TNKS: variants seen among roughly 807,000 people sequenced by gnomAD.
TNKS encodes the protein tankyrase.
TNKS carries 72 observed loss-of-function variants against 135.8 expected under a neutral mutation model. The observed-to-expected ratio is 0.53, with a 90% confidence interval of 0.44 to 0.64. TNKS has a LOEUF of 0.64. Among genes scored for constraint, TNKS ranks in the 30% least tolerant of loss-of-function variants. The pLI is 0.00. For missense variants in TNKS, 1,769 were observed against 1,674.0 expected (o/e 1.06, Z -0.99); for synonymous variants, 849 against 649.3 (o/e 1.31, Z -4.68).
chr8:9,741,098 A>T (rs1385549570), intron 17 of TNKS: 1 of 152,186 alleles, frequency 6.6e-6, no homozygotes, highest in African/African-American at 2.4e-5. Flanking sequence ...GGCGTGAGCC[A>T]CCACGCCCGG....
intron 2 of TNKS, among the ~76,000 whole-genome samples, chr8:9,585,206 G>T (rs1171484488): frequency 6.6e-6 from 1 of 151,676 alleles, no homozygotes; most frequent in Non-Finnish European, 1.5e-5. Flanking sequence ...ATGAATTAAA[G>T]ACCATGTTAG....
At chr8:9,672,252 A>T (rs983507870) in intron 3 of TNKS, among the ~76,000 whole-genome samples, 2 of 152,282 alleles carry the variant, frequency 1.3e-5, no homozygotes, top group Admixed American at 6.5e-5. Context: ...TATATAGGGT[A>T]GGTACCGTCC....
chr8:9,641,548 A>G (rs1178807560), intron 3 of TNKS, among the ~76,000 whole-genome samples: 1 of 145,956 alleles, frequency 6.9e-6, no homozygotes, highest in Non-Finnish European at 1.5e-5. Flanking sequence ...TGCCTAATAC[A>G]TTGACAGAAC....
chr8:9,774,604 C>G (rs2128844453), intron 26 of TNKS, among the ~76,000 whole-genome samples: 1 of 152,306 alleles, frequency 6.6e-6, no homozygotes, highest in African/African-American at 2.4e-5. Context: ...CAGTAATTCC[C>G]TTACCCTTAA....
At chr8:9,661,337 T>C (rs1022086380) in intron 3 of TNKS, among the ~76,000 whole-genome samples, 7 of 152,112 alleles carry the variant, frequency 4.6e-5, no homozygotes, top group Admixed American at 4.6e-4. Flanking sequence ...CAAACTATAC[T>C]ACAAGGCTAC....
intron 18 of TNKS, among the ~76,000 whole-genome samples, chr8:9,750,743 C>G (rs911575716): frequency 6.6e-5 from 10 of 152,204 alleles, no homozygotes; most frequent in Non-Finnish European, 1.2e-4. Context: ...GAGGGTTTAA[C>G]GTGACAATTT....
chr8:9,685,702 A>G (rs1802962713), intron 5 of TNKS, among the ~76,000 whole-genome samples: 1 of 152,236 alleles, frequency 6.6e-6, no homozygotes, highest in African/African-American at 2.4e-5. Context: ...ACATTTAATA[A>G]ATAAATTTGT....
chr8:9,618,016 T>C (rs1799712028), intron 3 of TNKS, among the ~76,000 whole-genome samples: 1 of 150,586 alleles, frequency 6.6e-6, no homozygotes, highest in African/African-American at 2.4e-5. Context: ...AGATGGAGTT[T>C]TGCTCTGTTG....
At position 9,765,697 on chromosome 8, in the gene TNKS, A is replaced by G; in HGVS notation, c.3453A>G (p.Gln1151=). Residue 1151 remains glutamine, a synonymous_variant, in exon 24 of 27, where the codon CAA becomes CAG. Transcript: ENST00000310430. Reference sequence around the variant, plus strand: ...TTTCTTCTTCATCCTTAAAGATTCAAAAAGTTGTCAACAAGAAGTTGAGGG... The same window carrying G: ...TTTCTTCTTCATCCTTAAAGATTCAGAAAGTTGTCAACAAGAAGTTGAGGG... ...IFNRYNVIRI[Q]KVVNKKLRER... The G allele has an allele frequency of 6.2e-7, 1 of 1,613,600 alleles. No homozygotes were observed. The highest frequency in any genetic ancestry group is 8.5e-7 in the Non-Finnish European group (1 of 1,179,636).
At chr8:9,644,193 G>A (rs895929137) in intron 3 of TNKS, among the ~76,000 whole-genome samples, 1 of 152,170 alleles carries the variant, frequency 6.6e-6, no homozygotes, top group Non-Finnish European at 1.5e-5. Context: ...AATGGATCTT[G>A]GTGATGGTAG....
At chr8:9,741,226 T>A (rs1805942959) in intron 17 of TNKS, 1 of 152,902 alleles carries the variant, frequency 6.5e-6, no homozygotes, top group Non-Finnish European at 1.5e-5. Flanking sequence ...CTAATCCTTT[T>A]GCTAAGCTTC....
chr8:9,607,907 A>G (rs1045500910), intron 2 of TNKS, among the ~76,000 whole-genome samples: 11 of 152,144 alleles, frequency 7.2e-5, no homozygotes, highest in African/African-American at 2.2e-4. Context: ...GAATGTAATA[A>G]TCACTAATAG....
At chr8:9,643,662 A>T (rs1800804341) in intron 3 of TNKS, among the ~76,000 whole-genome samples, 1 of 152,156 alleles carries the variant, frequency 6.6e-6, no homozygotes. Context: ...CCCCTTGAGC[A>T]CTGTTGGTGG....
chr8:9,746,625 G>A (rs1045676055), intron 17 of TNKS, among the ~76,000 whole-genome samples: 11 of 152,018 alleles, frequency 7.2e-5, no homozygotes, highest in African/African-American at 2.4e-4. Context: ...TTATCAAGTA[G>A]CTACAACTAT....
chr8:9,702,449 C>T (rs1367227690), intron 5 of TNKS, among the ~76,000 whole-genome samples: 2 of 151,974 alleles, frequency 1.3e-5, no homozygotes, highest in Non-Finnish European at 2.9e-5. Context: ...TACAAAGGAA[C>T]AAAGATAAGG....
At chr8:9,773,238 T>G (rs561143335) in intron 26 of TNKS, among the ~76,000 whole-genome samples, 1 of 152,028 alleles carries the variant, frequency 6.6e-6, no homozygotes, top group Admixed American at 6.6e-5. Flanking sequence ...CACTGTCTTA[T>G]CACAATAAAA....
chr8:9,612,545 T>C (rs1176941449), intron 2 of TNKS, among the ~76,000 whole-genome samples: 1 of 149,176 alleles, frequency 6.7e-6, no homozygotes, highest in South Asian at 2.1e-4. Flanking sequence ...GAATTGTTTA[T>C]ATATTTTTAA....
At chr8:9,673,494 G>T (rs1398516699) in intron 3 of TNKS, among the ~76,000 whole-genome samples, 1 of 147,864 alleles carries the variant, frequency 6.8e-6, no homozygotes, top group Non-Finnish European at 1.5e-5. Flanking sequence ...GCCCAGGCTG[G>T]AGTGCAGTGG....
At chr8:9,715,169 A>G (rs12155819) in intron 11 of TNKS, among the ~76,000 whole-genome samples, 88,688 of 151,842 alleles carry the variant, frequency 0.58, 26,290 homozygotes, top group Middle Eastern at 0.69. Flanking sequence ...GACCGTTTTT[A>G]TATGAGGGCT....
Sources: gnomAD v4.1 joint callset for allele counts (sites outside exome capture counted in the v4.1 genomes callset) on GRCh38, gnomAD v4.1.1 for gene constraint, MANE v1.5 for transcripts, NCBI Gene and HGNC (gene_info 2026-07-23, HGNC 2026-07-21) for gene names.